The following WDPCP variants were observed in gnomAD, a reference collection of about 807,000 sequenced individuals.
WDPCP encodes WD repeat containing planar cell polarity effector, also known as WD repeat-containing and planar cell polarity effector protein fritz homolog.
WDPCP carries 71 observed loss-of-function variants against 93.1 expected under a neutral mutation model. The observed-to-expected ratio is 0.76, with a 90% CI of 0.63 to 0.93. The LOEUF is 0.93. Among genes scored for constraint, WDPCP ranks in the 40% least tolerant of loss-of-function variants. WDPCP has a pLI of 0.00. For missense variants in WDPCP, 844 were observed against 887.4 expected, an observed-to-expected ratio of 0.95 and a Z score of 0.62; for synonymous variants, 315 against 315.0, an observed-to-expected ratio of 1.00 and a Z score of 0.00.
At chr2:63,340,379 C>T (rs4671488) in intron 12 of WDPCP, among the ~76,000 whole-genome samples, 121,631 of 152,104 alleles carry the variant, frequency 0.8, 49,511 homozygotes, top group East Asian at 0.96. Context: ...GAATAACCAC[C>T]GTGATTTGGC....
intron 5 of WDPCP, 90 bp downstream of exon 5, chr2:63,484,827 G>A (rs1198577927): frequency 1.3e-6 from 2 of 1,507,896 alleles, no homozygotes; most frequent in South Asian, 2.3e-5. Context: ...ATCACCATGA[G>A]AGTTGATCCT....
intron 1 of WDPCP, among the ~76,000 whole-genome samples, chr2:63,560,516 G>T (rs970024647): frequency 6.6e-6 from 1 of 152,180 alleles, no homozygotes; most frequent in Non-Finnish European, 1.5e-5. Flanking sequence ...TTTAATAAAT[G>T]CTGTTGACAG....
intron 14 of WDPCP, among the ~76,000 whole-genome samples, chr2:63,235,983 A>C (rs1401207359): frequency 6.6e-6 from 1 of 152,206 alleles, no homozygotes; most frequent in East Asian, 1.9e-4. Flanking sequence ...TGGAAGCCCT[A>C]GTCAGAGAAA....
At chr2:63,753,628 G>A (rs1369716584) in intron 2 of WDPCP, among the ~76,000 whole-genome samples, 1 of 152,122 alleles carries the variant, frequency 6.6e-6, no homozygotes. Flanking sequence ...AGAGTGAGAG[G>A]TGGGAGGTGC....
intron 14 of WDPCP, among the ~76,000 whole-genome samples, chr2:63,256,198 C>T (rs1681131467): frequency 6.6e-6 from 1 of 151,910 alleles, no homozygotes; most frequent in Admixed American, 6.6e-5. Flanking sequence ...AGGGTATAAG[C>T]TGATTTTGAG....
intron 1 of WDPCP, among the ~76,000 whole-genome samples, chr2:63,576,876 T>TA (rs1708154133): frequency 6.6e-6 from 1 of 152,196 alleles, no homozygotes; most frequent in South Asian, 2.1e-4. Flanking sequence ...TCATAAATGA[T>TA]ATATAAATAT....
At chr2:63,499,834 C>T (rs1175863908) in intron 1 of WDPCP, among the ~76,000 whole-genome samples, 1 of 152,138 alleles carries the variant, frequency 6.6e-6, no homozygotes, top group African/African-American at 2.4e-5. Context: ...ATCATGTGCC[C>T]AGTAAATGGG....
intron 2 of WDPCP, chr2:63,684,742 A>T (rs987885555): frequency 1.9e-5 from 11 of 591,304 alleles, no homozygotes; most frequent in South Asian, 1.5e-4. Context: ...ATTAAAAATT[A>T]AAAAATAAGA....
intron 14 of WDPCP, among the ~76,000 whole-genome samples, chr2:63,202,983 C>T (rs1676034517): frequency 6.6e-6 from 1 of 152,028 alleles, no homozygotes; most frequent in South Asian, 2.1e-4. Flanking sequence ...TATATCGGGC[C>T]TCAAATTTGT....
chr2:63,457,309 C>T (rs1467903120), intron 6 of WDPCP, among the ~76,000 whole-genome samples: 1 of 151,846 alleles, frequency 6.6e-6, no homozygotes, highest in Non-Finnish European at 1.5e-5. Flanking sequence ...ATACCAATAA[C>T]AAGACTGAAT....
intron 13 of WDPCP, among the ~76,000 whole-genome samples, chr2:63,279,520 G>A (rs1379366629): frequency 6.6e-6 from 1 of 152,170 alleles, no homozygotes; most frequent in Non-Finnish European, 1.5e-5. Flanking sequence ...ATGGGGAAAA[G>A]TTGAAAGCAT....
intron 3 of WDPCP, among the ~76,000 whole-genome samples, chr2:63,623,796 A>G (rs1336850024): frequency 6.6e-6 from 1 of 152,182 alleles, no homozygotes; most frequent in Admixed American, 6.5e-5. Flanking sequence ...AAAATTAACA[A>G]GGATATTCAG....
intron 12 of WDPCP, among the ~76,000 whole-genome samples, chr2:63,372,992 G>A (rs1054821196): frequency 7.2e-5 from 11 of 152,128 alleles, no homozygotes; most frequent in East Asian, 1.9e-4. Context: ...GCATGGTGGC[G>A]CATTCCTGTA....
chr2:63,295,608 T>C (rs1354307699), intron 13 of WDPCP, among the ~76,000 whole-genome samples: 2 of 151,674 alleles, frequency 1.3e-5, no homozygotes, highest in Non-Finnish European at 2.9e-5. Flanking sequence ...ATAAGAAATA[T>C]AAAAGATCAT....
chr2:63,814,446 T>G (rs1007470721), intron 1 of WDPCP, among the ~76,000 whole-genome samples: 1 of 152,090 alleles, frequency 6.6e-6, no homozygotes, highest in Non-Finnish European at 1.5e-5. Flanking sequence ...ATCTTGTGAC[T>G]ATGAAGAGAA....
intron 1 of WDPCP, among the ~76,000 whole-genome samples, chr2:63,576,654 G>C (rs1472624977): frequency 6.6e-6 from 1 of 152,204 alleles, no homozygotes; most frequent in East Asian, 1.9e-4. Flanking sequence ...AGCTTCTAGA[G>C]GTTGTGGGGT....
At chr2:63,712,086 A>G (rs1258019742) in intron 2 of WDPCP, among the ~76,000 whole-genome samples, 3 of 152,114 alleles carry the variant, frequency 2.0e-5, no homozygotes, top group Admixed American at 1.3e-4. Context: ...TTTTGGCGTA[A>G]TGGGACTTAG....
At position 63,480,018 on chromosome 2, in the gene WDPCP, A is replaced by T. The variant is rs548050289; in HGVS notation, c.384+4586T>A. On this transcript the variant is annotated intron_variant, in intron 6 of 17. Transcript: ENST00000272321. The stretch of plus-strand genomic sequence containing the variant: ...TCCAAAAGGCTCCTAGAACTGATAA[A>T]CTAATTCAGTAAAGCTTCAGGATAC... Among the ~76,000 whole-genome samples, 5 of 152,268 alleles carry T rather than the reference A, an allele frequency of 3.3e-5. No homozygotes were observed. The South Asian group carries it at 8.3e-4, about 25-fold the overall frequency.
intron 2 of WDPCP, among the ~76,000 whole-genome samples, chr2:63,783,288 G>A (rs1479516366): frequency 6.6e-6 from 1 of 151,886 alleles, no homozygotes; most frequent in African/African-American, 2.4e-5. Flanking sequence ...CAGGTGTCAT[G>A]GTACACACTG....
Sources: gnomAD v4.1 joint callset for allele counts (sites outside exome capture counted in the v4.1 genomes callset) on GRCh38, gnomAD v4.1.1 for gene constraint, MANE v1.5 for transcripts, NCBI Gene and HGNC (gene_info 2026-07-23, HGNC 2026-07-21) for gene names.